The following RFX3 variants were observed in gnomAD, a reference collection of about 807,000 sequenced individuals.
RFX3 encodes the protein regulatory factor X3, also known as transcription factor RFX3.
Under a neutral mutation model 98.6 loss-of-function variants are expected in RFX3, and 14 were observed. The observed-to-expected ratio is 0.14, with a 90% CI of 0.09 to 0.22. The LOEUF is 0.22. Ranked by LOEUF, RFX3 falls within the 10% of genes least tolerant of loss-of-function variation. The probability of loss-of-function intolerance (pLI) is 1.00; values close to 1 mark genes in which losing one functional copy is unlikely to be tolerated. For missense variants in RFX3, 639 were observed against 926.9 expected, an observed-to-expected ratio of 0.69 and a Z score of 4.03; for synonymous variants, 383 against 328.4, an observed-to-expected ratio of 1.17 and a Z score of -1.80.
At chr9:3,501,819 A>G (rs1816045448) in intron 1 of RFX3, among the ~76,000 whole-genome samples, 1 of 151,660 alleles carries the variant, frequency 6.6e-6, no homozygotes. Flanking sequence ...AGCCTCCCAA[A>G]GTGCTGGAAT....
intron 16 of RFX3, among the ~76,000 whole-genome samples, chr9:3,226,136 T>C (rs2130582530): frequency 6.6e-6 from 1 of 152,310 alleles, no homozygotes; most frequent in Non-Finnish European, 1.5e-5. Context: ...CTCCTCAGAA[T>C]ACCTCTTCAT....
intron 4 of RFX3, among the ~76,000 whole-genome samples, chr9:3,309,867 T>G (rs1056025722): frequency 3.3e-5 from 5 of 152,168 alleles, no homozygotes; most frequent in African/African-American, 1.2e-4. Context: ...CAGGTTTAAG[T>G]GTTCACTGGA....
chr9:3,332,334 G>C (rs574314546), intron 3 of RFX3, among the ~76,000 whole-genome samples: 13 of 152,100 alleles, frequency 8.5e-5, no homozygotes, highest in Non-Finnish European at 1.9e-4. Context: ...TATACACATA[G>C]CGTGAAGGTA....
intron 1 of RFX3, among the ~76,000 whole-genome samples, chr9:3,502,985 CAA>C (rs1816208433): frequency 6.6e-6 from 1 of 152,140 alleles, no homozygotes; most frequent in Non-Finnish European, 1.5e-5. Context: ...GTTTCCTAAT[CAA>C]AAGAGTTACG....
At chr9:3,447,632 G>T (rs954462913) in intron 1 of RFX3, among the ~76,000 whole-genome samples, 4 of 152,110 alleles carry the variant, frequency 2.6e-5, no homozygotes, top group African/African-American at 4.8e-5. Context: ...ATCACATTGT[G>T]ATCTTTCAAG....
Position 3,291,979 on chromosome 9 carries a change from C to T in RFX3, c.731+1098G>A, listed in dbSNP as rs1025365212. 5.9e-5 allele frequency among the ~76,000 whole-genome samples: 8 copies of T among 136,280 alleles called. No individual in the cohort carries two copies. In the Admixed American group the frequency reaches 6.6e-4, roughly 11 times the overall value. The allele number at this position is 136,280 out of a possible 152,430, so 89.4% of individuals were successfully genotyped here. A position where few individuals can be genotyped will look rare whatever the true frequency, so the allele number is the denominator to read the frequency against. On this transcript the variant is annotated intron_variant, in intron 6 of 16. Coordinates refer to ENST00000617270, the MANE Select transcript of RFX3 (RefSeq NM_001282116.2). The stretch of plus-strand genomic sequence containing the variant: ...GGCTAAGGCAGGAGAATCATTTGAA[C>T]CTGCGAGGCAGAGGTTGCAGTGAGC...
chr9:3,308,456 A>G (rs566719053), intron 4 of RFX3, among the ~76,000 whole-genome samples: 1 of 152,280 alleles, frequency 6.6e-6, no homozygotes, highest in African/African-American at 2.4e-5. Flanking sequence ...GAAAAGTGAT[A>G]AAAGACGATG....
At chr9:3,329,015 G>A (rs564180794) in intron 4 of RFX3, among the ~76,000 whole-genome samples, 8 of 152,192 alleles carry the variant, frequency 5.3e-5, no homozygotes, top group African/African-American at 1.9e-4. Context: ...GCTTAGTAGA[G>A]GTGAAAAGCA....
intron 1 of RFX3, among the ~76,000 whole-genome samples, chr9:3,409,676 T>C (rs551081333): frequency 6.6e-6 from 1 of 152,342 alleles, no homozygotes; most frequent in Non-Finnish European, 1.5e-5. Flanking sequence ...AGCAAATTTA[T>C]GTTTCAGCAA....
intron 1 of RFX3, among the ~76,000 whole-genome samples, chr9:3,458,051 T>C (rs1847350801): frequency 1.3e-5 from 2 of 152,126 alleles, no homozygotes; most frequent in Non-Finnish European, 2.9e-5. Context: ...ATTAGAAGAC[T>C]GGAAGTATCC....
In RFX3 at chr9:3,263,220, A is replaced by C. The variant is rs1823153531; in HGVS notation, c.1456-136T>G. 4 of 918,340 alleles carry C rather than the reference A, an allele frequency of 4.4e-6. No individual in the cohort carries two copies. The Admixed American group carries it at 1.1e-4, about 24-fold the overall frequency. The allele number at this position is 918,340 out of a possible 1,614,324, so 56.9% of individuals were successfully genotyped here. On this transcript the variant is annotated intron_variant, in intron 12 of 16. Coordinates refer to ENST00000617270, the MANE Select transcript of RFX3 (RefSeq NM_001282116.2). ...TTATTTAAAATTCATTTGGTGAGAG[A>C]GTTTACTTGTAAATTACAGCATTTA...
At chr9:3,440,593 TAAGTA>T (rs1342682000) in intron 1 of RFX3, among the ~76,000 whole-genome samples, 2 of 152,176 alleles carry the variant, frequency 1.3e-5, no homozygotes, top group South Asian at 2.1e-4. Flanking sequence ...ATTAGAGGGC[TAAGTA>T]AAGAGGTATA....
At chr9:3,284,444 T>A (rs1826309832) in intron 7 of RFX3, among the ~76,000 whole-genome samples, 2 of 151,714 alleles carry the variant, frequency 1.3e-5, no homozygotes, top group South Asian at 2.1e-4. Flanking sequence ...TGCAAAAAAA[T>A]TATTTTCATA....
intron 1 of RFX3, among the ~76,000 whole-genome samples, chr9:3,405,805 C>A (rs1841908051): frequency 1.3e-5 from 2 of 152,136 alleles, no homozygotes; most frequent in Admixed American, 6.5e-5. Flanking sequence ...GTTCTCAGTG[C>A]CCTCAGGATA....
chr9:3,334,627 G>A (rs10971453), intron 3 of RFX3, among the ~76,000 whole-genome samples: 8,087 of 151,984 alleles, frequency 0.053, 547 homozygotes, highest in African/African-American at 0.17. Flanking sequence ...TCCATCGTGC[G>A]ACTGTGGAGA....
At chr9:3,408,350 A>T (rs1842147702) in intron 1 of RFX3, among the ~76,000 whole-genome samples, 1 of 152,114 alleles carries the variant, frequency 6.6e-6, no homozygotes, top group Non-Finnish European at 1.5e-5. Flanking sequence ...AGTACAACCA[A>T]CATCTCTATT....
At position 3,275,600 on chromosome 9, in the gene RFX3, G is replaced by A. The variant is rs752020974; in HGVS notation, c.986C>T (p.Ala329Val). The A allele has an allele frequency of 4.4e-6, 7 of 1,603,088 alleles. No homozygotes were observed. The highest frequency in any genetic ancestry group is 2.2e-5 in the South Asian group (2 of 90,798). ...TTCAACTTCTCCAAACTCTGGAAGT[G>A]CTCGAGATGCATCTGTTACCGTGAC... ...HHQQFLDASR[A>V]LPEFGEVEIS... The change falls in exon 9 of 17, where the codon GCA becomes GTA. Residue 329 changes from alanine (A) to valine (V), a missense_variant. This residue lies in a region of RFX3 where 86 missense variants were observed against 113.2 expected (regional missense o/e 0.76). Coordinates refer to ENST00000617270, the MANE Select transcript of RFX3 (RefSeq NM_001282116.2).
At chr9:3,341,278 T>C (rs1352975965) in intron 3 of RFX3, among the ~76,000 whole-genome samples, 6 of 151,900 alleles carry the variant, frequency 3.9e-5, no homozygotes, top group Non-Finnish European at 5.9e-5. Flanking sequence ...GGGGGAGGGA[T>C]AGCATTAGGA....
intron 15 of RFX3, among the ~76,000 whole-genome samples, chr9:3,241,801 G>A (rs1012547231): frequency 1.4e-4 from 21 of 152,136 alleles, no homozygotes; most frequent in Admixed American, 4.6e-4. Flanking sequence ...TTTTCCAAAT[G>A]CAATTTGCTT....
Sources: gnomAD v4.1 joint callset for allele counts (sites outside exome capture counted in the v4.1 genomes callset) on GRCh38, gnomAD v4.1.1 for gene constraint, gnomAD v4.1.1 regional missense constraint, MANE v1.5 for transcripts, NCBI Gene and HGNC (gene_info 2026-07-23, HGNC 2026-07-21) for gene names.